Variants in SLC39A11 observed in about 807,000 individuals in gnomAD.
SLC39A11 encodes the protein zinc transporter ZIP11.
Under a neutral mutation model 36.1 loss-of-function variants are expected in SLC39A11, and 33 were observed. That is an observed-to-expected ratio of 0.91 (90% CI 0.69 to 1.22). The LOEUF is 1.22. Ranked by LOEUF, SLC39A11 falls within the 50% of genes most tolerant of loss-of-function variation. SLC39A11 has a pLI of 0.00. For missense variants in SLC39A11, 432 were observed against 430.3 expected, an observed-to-expected ratio of 1.00 and a Z score of -0.03; for synonymous variants, 166 against 170.3, an observed-to-expected ratio of 0.97 and a Z score of 0.20.
At chr17:72,688,207 AC>A (rs1050259610) in intron 7 of SLC39A11, among the ~76,000 whole-genome samples, 5 of 152,178 alleles carry the variant, frequency 3.3e-5, no homozygotes, top group African/African-American at 1.2e-4. Context: ...CTTTGCAGGC[AC>A]CCGGCAGAAC....
intron 4 of SLC39A11, 71 bp downstream of exon 4, chr17:73,031,485 A>T: frequency 6.5e-7 from 1 of 1,543,538 alleles, no homozygotes; most frequent in Non-Finnish European, 8.9e-7. Flanking sequence ...GTCAGGTTTG[A>T]TCAGAAATAA....
intron 6 of SLC39A11, among the ~76,000 whole-genome samples, chr17:72,846,679 T>C (rs576465159): frequency 6.6e-6 from 1 of 152,296 alleles, no homozygotes; most frequent in East Asian, 1.9e-4. Flanking sequence ...TAGAGGAAAG[T>C]TGGATACTCA....
intron 7 of SLC39A11, among the ~76,000 whole-genome samples, chr17:72,711,713 C>A (rs2073110165): frequency 6.6e-6 from 1 of 152,146 alleles, no homozygotes; most frequent in Non-Finnish European, 1.5e-5. Context: ...ATTTAGGCTG[C>A]AAAGCTGGAG....
chr17:72,770,374 G>A (rs894590921), intron 6 of SLC39A11, among the ~76,000 whole-genome samples: 1 of 152,220 alleles, frequency 6.6e-6, no homozygotes, highest in Admixed American at 6.5e-5. Flanking sequence ...AGATAAAAAA[G>A]TTCGGGAGCC....
intron 6 of SLC39A11, among the ~76,000 whole-genome samples, chr17:72,761,799 C>A (rs751586273): frequency 5.3e-5 from 8 of 152,252 alleles, no homozygotes; most frequent in Non-Finnish European, 1.2e-4. Context: ...TTGCAATGTC[C>A]TAATGAGCAA....
intron 3 of SLC39A11, among the ~76,000 whole-genome samples, chr17:73,083,708 C>T (rs980941777): frequency 1.3e-5 from 1 of 77,936 alleles, no homozygotes; most frequent in East Asian, 4.8e-4. Context: ...CAACAAATTA[C>T]TAGCATGAAA....
chr17:72,852,228 A>AAAAAAAAAAAAAAAAAAAAAAAAAAAAC, intron 5 of SLC39A11, among the ~76,000 whole-genome samples: 1 of 134,916 alleles, frequency 7.4e-6, no homozygotes, highest in East Asian at 2.2e-4. Context: ...AAAAAAAAAA[A>AAAAAAAAAAAAAAAAAAAAAAAAAAAAC]CAGAAAGAAA....
chr17:72,836,318 T>C (rs985481138), intron 6 of SLC39A11, among the ~76,000 whole-genome samples: 10 of 150,230 alleles, frequency 6.7e-5, no homozygotes, highest in African/African-American at 2.0e-4. Context: ...AGTTAAGCTG[T>C]ACCCATCATT....
At chr17:72,805,093 T>C (rs1361002050) in intron 6 of SLC39A11, among the ~76,000 whole-genome samples, 2 of 152,024 alleles carry the variant, frequency 1.3e-5, no homozygotes, top group East Asian at 1.9e-4. Flanking sequence ...GGATGAAAAA[T>C]TGTAAGGATA....
chr17:72,962,146 T>G (rs1207855248), intron 4 of SLC39A11, among the ~76,000 whole-genome samples: 1 of 152,182 alleles, frequency 6.6e-6, no homozygotes, highest in Admixed American at 6.5e-5. Flanking sequence ...GCATCTTCCC[T>G]TCTCTCTCTT....
At chr17:72,673,993 G>T (rs1259610551) in intron 7 of SLC39A11, among the ~76,000 whole-genome samples, 1 of 152,120 alleles carries the variant, frequency 6.6e-6, no homozygotes, top group African/African-American at 2.4e-5. Context: ...GCTTGAACCT[G>T]GGAGAAGGAG....
chr17:73,078,094 C>T (rs189936981), intron 3 of SLC39A11, among the ~76,000 whole-genome samples: 22 of 151,932 alleles, frequency 1.4e-4, no homozygotes, highest in East Asian at 5.8e-4. Context: ...AAAAATTAGC[C>T]GGGTGTGGTG....
chr17:72,910,122 C>G (rs1335001347), intron 5 of SLC39A11, among the ~76,000 whole-genome samples: 9 of 152,038 alleles, frequency 5.9e-5, no homozygotes, highest in Non-Finnish European at 7.4e-5. Context: ...TCTATCACAA[C>G]ATTTTTAGTC....
At chr17:72,876,558 A>C (rs4308012) in intron 5 of SLC39A11, among the ~76,000 whole-genome samples, 8,244 of 152,216 alleles carry the variant, frequency 0.054, 256 homozygotes, top group African/African-American at 0.086. Flanking sequence ...TTCCTTTCTC[A>C]GAAAACCAAC....
chr17:72,776,585 G>A (rs866208704), intron 6 of SLC39A11, among the ~76,000 whole-genome samples: 137 of 109,096 alleles, frequency 1.3e-3, no homozygotes, highest in African/African-American at 4.5e-3. Context: ...AATTATGTTT[G>A]TTTATAAATA....
At chr17:72,939,939 T>A (rs1253032601) in intron 5 of SLC39A11, among the ~76,000 whole-genome samples, 2 of 152,198 alleles carry the variant, frequency 1.3e-5, no homozygotes, top group Admixed American at 1.3e-4. Context: ...AATCTGAAAA[T>A]GTGAAATCCA....
chr17:72,774,564 G>T lies in SLC39A11; in HGVS notation c.602-37845C>A, dbSNP rs112874267. On this transcript the variant is annotated intron_variant, in intron 6 of 9. Transcript: ENST00000255559. ...CCAACAGGACCCTGCTAACACCACT[G>T]TTCACCAAATAAAGGTAAACAGACT... Among the ~76,000 whole-genome samples the T allele has an allele frequency of 4.2e-3, 640 of 152,256 alleles. 5 individuals carry two copies. The highest frequency in any genetic ancestry group is 0.014 in the African/African-American group (601 of 41,554).
intron 7 of SLC39A11, among the ~76,000 whole-genome samples, chr17:72,670,383 AAT>A (rs2070973471): frequency 6.6e-6 from 1 of 151,806 alleles, no homozygotes; most frequent in Admixed American, 6.6e-5. Flanking sequence ...AAAAAAAAAA[AAT>A]GCAAATATCC....
At chr17:72,843,085 G>T (rs1052152302) in intron 6 of SLC39A11, among the ~76,000 whole-genome samples, 3 of 152,086 alleles carry the variant, frequency 2.0e-5, no homozygotes, top group Non-Finnish European at 4.4e-5. Context: ...AAGTAGCTGG[G>T]ATTACAGGCA....
Sources: gnomAD v4.1 joint callset for allele counts (sites outside exome capture counted in the v4.1 genomes callset) on GRCh38, gnomAD v4.1.1 for gene constraint, MANE v1.5 for transcripts, NCBI Gene and HGNC (gene_info 2026-07-23, HGNC 2026-07-21) for gene names.